Variants in SPTLC2 observed in about 807,000 individuals in gnomAD.
SPTLC2 encodes serine palmitoyltransferase long chain base subunit 2.
A neutral mutation model predicts 62.0 loss-of-function variants in SPTLC2; 21 were observed. That is an observed-to-expected ratio of 0.34 (90% CI 0.24 to 0.49). The LOEUF (loss-of-function observed/expected upper bound fraction) is 0.49, where lower values mean the gene tolerates loss of function less well. Ranked by LOEUF, SPTLC2 falls within the 20% of genes least tolerant of loss-of-function variation. SPTLC2 has a pLI of 0.99. For synonymous variants in SPTLC2, 261 were observed against 261.8 expected, an observed-to-expected ratio of 1.00 and a Z score of 0.03; for missense variants, 511 against 713.0, an observed-to-expected ratio of 0.72 and a Z score of 3.23.
chr14:77,546,828 C>G (rs1376004848), intron 9 of SPTLC2, among the ~76,000 whole-genome samples: 1 of 151,936 alleles, frequency 6.6e-6, no homozygotes, highest in Non-Finnish European at 1.5e-5. Flanking sequence ...CTCCTGTGTT[C>G]AAGCAATTCT....
At chr14:77,581,405 CTTTTTTTT>C (rs1159561282) in intron 2 of SPTLC2, among the ~76,000 whole-genome samples, 1 of 94,026 alleles carries the variant, frequency 1.1e-5, no homozygotes, top group Admixed American at 1.5e-4. Flanking sequence ...TACCATCTCT[CTTTTTTTT>C]TTTTTTTTTT....
intron 2 of SPTLC2, among the ~76,000 whole-genome samples, chr14:77,584,879 T>C (rs1395017706): frequency 6.6e-6 from 1 of 152,206 alleles, no homozygotes; most frequent in African/African-American, 2.4e-5. Flanking sequence ...GGATGTGATG[T>C]AGGGTCTGCC....
chr14:77,550,364 C>T (rs548049669), intron 9 of SPTLC2, among the ~76,000 whole-genome samples: 102 of 152,276 alleles, frequency 6.7e-4, no homozygotes, highest in African/African-American at 2.1e-3. Context: ...CACCTGAGGT[C>T]GGGAGTTCGA....
intron 1 of SPTLC2, among the ~76,000 whole-genome samples, chr14:77,616,087 G>A: frequency 6.6e-6 from 1 of 152,226 alleles, no homozygotes; most frequent in East Asian, 1.9e-4. Flanking sequence ...GGTTTGAGAA[G>A]GGACCCTCCG....
At chr14:77,579,243 T>C in intron 2 of SPTLC2, 134 bp from the exon 3 acceptor site, 2 of 866,642 alleles carry the variant, frequency 2.3e-6, no homozygotes, top group Non-Finnish European at 3.7e-6. Flanking sequence ...CAAGATTGTG[T>C]AATGGACAAG....
Position 77,506,992 on chromosome 14 carries a change from T to C in SPTLC2, c.*5292A>G, listed in dbSNP as rs941374602. On this transcript the variant is annotated 3_prime_UTR_variant, in exon 12 of 12. Transcript: ENST00000216484. ...AGAAAGAATCACAGTTTAAGGCCAT[T>C]TATCATGTGCACTATGTAGTAAACA... 9.2e-5 allele frequency: 14 copies of C among 152,162 alleles called. No individual in the cohort carries two copies. The highest frequency in any genetic ancestry group is 3.1e-4 in the African/African-American group (13 of 41,424). The allele number at this position is 152,162 out of a possible 1,614,324, so 9.4% of individuals were successfully genotyped here.
At chr14:77,594,039 A>C (rs76973479) in intron 2 of SPTLC2, among the ~76,000 whole-genome samples, 8,998 of 152,262 alleles carry the variant, frequency 0.059, 866 homozygotes, top group African/African-American at 0.2. Context: ...TAATTTAATA[A>C]AATCCTCTCC....
At chr14:77,532,685 G>A (rs1252978142) in intron 9 of SPTLC2, among the ~76,000 whole-genome samples, 1 of 152,090 alleles carries the variant, frequency 6.6e-6, no homozygotes, top group Non-Finnish European at 1.5e-5. Context: ...TCGGGAGGCT[G>A]AGGCAGGAGA....
intron 5 of SPTLC2, among the ~76,000 whole-genome samples, chr14:77,566,045 A>G (rs1271969771): frequency 6.6e-6 from 1 of 152,186 alleles, no homozygotes; most frequent in African/African-American, 2.4e-5. Flanking sequence ...ATTCAACTCT[A>G]TCTTAAAAAG....
intron 2 of SPTLC2, 54 bp from the exon 3 acceptor site, chr14:77,579,163 ATTT>A: frequency 1.3e-6 from 2 of 1,580,308 alleles, no homozygotes; most frequent in Non-Finnish European, 1.7e-6. Flanking sequence ...TTATTAAAAA[ATTT>A]TTTAACAGAT....
chr14:77,550,801 G>C (rs1178405197), intron 9 of SPTLC2, among the ~76,000 whole-genome samples: 1 of 151,888 alleles, frequency 6.6e-6, no homozygotes, highest in Non-Finnish European at 1.5e-5. Context: ...CTACTTGGGA[G>C]GCTGAAACAG....
At chr14:77,517,001 C>T (rs942402641) in intron 11 of SPTLC2, among the ~76,000 whole-genome samples, 1 of 152,240 alleles carries the variant, frequency 6.6e-6, no homozygotes, top group Non-Finnish European at 1.5e-5. Context: ...AATCCCAGCA[C>T]TTTGGGAGGC....
At position 77,557,021 on chromosome 14, in the gene SPTLC2, G is replaced by T; in HGVS notation, c.956+20C>A. The T allele has an allele frequency of 6.3e-7, 1 of 1,599,970 alleles. No individual in the cohort carries two copies. The highest frequency in any genetic ancestry group is 8.6e-7 in the Non-Finnish European group (1 of 1,167,488). Reference sequence around the variant, plus strand: ...TCATGGGGCCAAGTCACAAAGGTAAGAATAATAAAGCAGGATTACCTATAT... The same window carrying T: ...TCATGGGGCCAAGTCACAAAGGTAATAATAATAAAGCAGGATTACCTATAT... On this transcript the variant is annotated intron_variant, in intron 7 of 11. Coordinates refer to ENST00000216484, the MANE Select transcript of SPTLC2 (RefSeq NM_004863.4).
chr14:77,603,955 C>T (rs1209619329), intron 1 of SPTLC2, among the ~76,000 whole-genome samples: 1 of 152,200 alleles, frequency 6.6e-6, no homozygotes, highest in African/African-American at 2.4e-5. Flanking sequence ...TCTGAGTTCT[C>T]CTCCACTGCT....
At chr14:77,607,469 C>T (rs2079911283) in intron 1 of SPTLC2, among the ~76,000 whole-genome samples, 1 of 152,132 alleles carries the variant, frequency 6.6e-6, no homozygotes, top group South Asian at 2.1e-4. Flanking sequence ...ATTTGCCATT[C>T]CTTAGTTTAT....
At chr14:77,549,399 A>G (rs914411160) in intron 9 of SPTLC2, among the ~76,000 whole-genome samples, 1 of 152,148 alleles carries the variant, frequency 6.6e-6, no homozygotes, top group Non-Finnish European at 1.5e-5. Flanking sequence ...TCTCTGAAGC[A>G]TCCTTTCTGG....
chr14:77,616,401 G>T (rs1303463819), intron 1 of SPTLC2, 47 bp downstream of exon 1: 6 of 1,226,492 alleles, frequency 4.9e-6, no homozygotes, highest in Non-Finnish European at 6.2e-6. Context: ...CCGCCCCTCC[G>T]CCAGTCCACA....
rs987262141 is a variant in SPTLC2, at chr14:77,508,855, T to C, written c.*3429A>G. On this transcript the variant is annotated 3_prime_UTR_variant, in exon 12 of 12. Coordinates refer to ENST00000216484, the MANE Select transcript of SPTLC2 (RefSeq NM_004863.4). ...GTACAAACAGAACCAAGGCGTCTGA[T>C]ATGCTATCTTCAAAGCCCAGCACCA... The C allele has an allele frequency of 6.6e-6, 1 of 152,352 alleles. No homozygotes were observed. The highest frequency in any genetic ancestry group is 2.1e-4 in the South Asian group (1 of 4,834). 9.4% of individuals were successfully genotyped at this position (152,352 alleles called of 1,614,324 possible).
At chr14:77,593,895 C>A (rs1039898691) in intron 2 of SPTLC2, among the ~76,000 whole-genome samples, 3 of 152,166 alleles carry the variant, frequency 2.0e-5, no homozygotes, top group Non-Finnish European at 2.9e-5. Context: ...AGAAAACAAA[C>A]ATGATCTATC....
Sources: allele counts gnomAD v4.1 joint callset (sites outside exome capture counted in the v4.1 genomes callset), GRCh38; gene constraint gnomAD v4.1.1; transcripts MANE v1.5; gene names NCBI Gene and HGNC (gene_info 2026-07-23, HGNC 2026-07-21).